CNIH3: variants seen among roughly 807,000 people sequenced by gnomAD.
The protein encoded by CNIH3 is cornichon family AMPA receptor auxiliary protein 3, also known as protein cornichon homolog 3.
A neutral mutation model predicts 24.1 loss-of-function variants in CNIH3; 14 were observed. That is an observed-to-expected ratio of 0.58 (90% CI 0.38 to 0.91). CNIH3 has a LOEUF of 0.91. Among genes scored for constraint, CNIH3 ranks in the 40% least tolerant of loss-of-function variants. CNIH3 has a pLI of 0.00. For missense variants in CNIH3, 178 were observed against 196.8 expected (o/e 0.90, Z 0.57); for synonymous variants, 68 against 73.8 (o/e 0.92, Z 0.40).
chr1:224,671,735 T>C (rs1685877803), intron 1 of CNIH3, among the ~76,000 whole-genome samples: 1 of 152,230 alleles, frequency 6.6e-6, no homozygotes, highest in Non-Finnish European at 1.5e-5. Flanking sequence ...GGCATTACAC[T>C]TTTTAGAAAA....
At chr1:224,683,804 G>A (rs1368901418) in intron 2 of CNIH3, among the ~76,000 whole-genome samples, 2 of 152,220 alleles carry the variant, frequency 1.3e-5, no homozygotes, top group Non-Finnish European at 2.9e-5. Flanking sequence ...GTGTCTTGTA[G>A]CATTCCCTTT....
chr1:224,576,260 C>T (rs549166754), intron 4 of CNIH3, among the ~76,000 whole-genome samples: 1 of 152,226 alleles, frequency 6.6e-6, no homozygotes, highest in East Asian at 1.9e-4. Flanking sequence ...AAGAGACAGT[C>T]AATATACATG....
At chr1:224,442,623 A>G (rs1674968264) in intron 1 of CNIH3, among the ~76,000 whole-genome samples, 3 of 152,226 alleles carry the variant, frequency 2.0e-5, no homozygotes, top group South Asian at 4.1e-4. Flanking sequence ...AACACTAGGA[A>G]GACAAGGTTG....
intron 1 of CNIH3, among the ~76,000 whole-genome samples, chr1:224,464,918 C>G (rs1408157182): frequency 6.6e-6 from 1 of 152,112 alleles, no homozygotes; most frequent in African/African-American, 2.4e-5. Context: ...ACCTCAGCCT[C>G]CCGTGTAGCT....
Position 224,617,121 on chromosome 1 carries a change from A to G in CNIH3, c.-54A>G. 4 of 1,604,078 alleles carry G rather than the reference A, an allele frequency of 2.5e-6. No homozygotes were observed. The highest frequency in any genetic ancestry group is 3.4e-6 in the Non-Finnish European group (4 of 1,175,358). ...AGGGAGTGCGGTCCTCTAGGGAGGC[A>G]TCGGGCTCCTAGGGGCTTCTTGGCG... On this transcript the variant is annotated 5_prime_UTR_variant, in exon 1 of 6. Transcript: ENST00000272133.
chr1:224,709,400 T>G (rs1470045123), intron 3 of CNIH3, among the ~76,000 whole-genome samples: 1 of 152,128 alleles, frequency 6.6e-6, no homozygotes, highest in Admixed American at 6.5e-5. Context: ...CCTCTCTGAG[T>G]TTTGAATCAA....
chr1:224,545,285 A>C (rs1156447396), intron 2 of CNIH3, among the ~76,000 whole-genome samples: 1 of 152,228 alleles, frequency 6.6e-6, no homozygotes, highest in African/African-American at 2.4e-5. Flanking sequence ...GGCTTCAAAC[A>C]GCTCTGCCTT....
intron 1 of CNIH3, among the ~76,000 whole-genome samples, chr1:224,461,341 C>T (rs1675905596): frequency 6.6e-6 from 1 of 152,120 alleles, no homozygotes; most frequent in Admixed American, 6.5e-5. Flanking sequence ...TTAATACAGA[C>T]TTATTTTTGA....
chr1:224,501,637 G>A (rs1334684409), intron 1 of CNIH3, among the ~76,000 whole-genome samples: 2 of 151,058 alleles, frequency 1.3e-5, no homozygotes, highest in East Asian at 3.9e-4. Context: ...CTGGAGTGCA[G>A]TGGCGCGATC....
In CNIH3 at chr1:224,739,577, T is replaced by G; in HGVS notation, c.*221T>G. On this transcript the variant is annotated 3_prime_UTR_variant, in exon 6 of 6. Coordinates refer to ENST00000272133, the MANE Select transcript of CNIH3 (RefSeq NM_152495.2). ...TGTTTGTCAATCTTTGGCATTCGAA[T>G]TCCACACACGGGGTCCTAGAGCCCT... 3.8e-6 allele frequency: 3 copies of G among 791,388 alleles called. No homozygotes were observed. Among genetic ancestry groups the G allele is most frequent in the East Asian group, 2.7e-5 (1 of 36,480 alleles). The allele number at this position is 791,388 out of a possible 1,614,324, so 49.0% of individuals were successfully genotyped here.
At chr1:224,549,112 C>T (rs572088087) in intron 3 of CNIH3, among the ~76,000 whole-genome samples, 4 of 151,852 alleles carry the variant, frequency 2.6e-5, no homozygotes, top group East Asian at 3.9e-4. Context: ...AATATCAGAG[C>T]GATGATATTT....
chr1:224,732,278 C>T (rs1370206101), intron 4 of CNIH3, among the ~76,000 whole-genome samples: 1 of 152,122 alleles, frequency 6.6e-6, no homozygotes, highest in Non-Finnish European at 1.5e-5. Flanking sequence ...GAGAAAGCCT[C>T]TAGGCTGCGT....
intron 2 of CNIH3, among the ~76,000 whole-genome samples, chr1:224,533,307 C>T (rs964662365): frequency 1.3e-5 from 2 of 149,270 alleles, no homozygotes; most frequent in Admixed American, 6.7e-5. Flanking sequence ...TTCCTAGCTA[C>T]TTGGGAGGCT....
chr1:224,718,338 AG>A (rs895140720), intron 3 of CNIH3, among the ~76,000 whole-genome samples: 1 of 152,140 alleles, frequency 6.6e-6, no homozygotes, highest in African/African-American at 2.4e-5. Context: ...TAAGCCTCTG[AG>A]GTGGGAACAG....
intron 3 of CNIH3, among the ~76,000 whole-genome samples, chr1:224,718,070 A>G (rs1416424037): frequency 6.6e-6 from 1 of 152,220 alleles, no homozygotes; most frequent in Admixed American, 6.5e-5. Flanking sequence ...AAAGTCATGA[A>G]AAAGACAAGC....
At chr1:224,597,232 C>A (rs1443275500) in intron 3 of CNIH3, among the ~76,000 whole-genome samples, 1 of 152,074 alleles carries the variant, frequency 6.6e-6, no homozygotes, top group East Asian at 1.9e-4. Context: ...AACTGACCTT[C>A]TTCTCTCCTT....
rs1223945870 is a variant in CNIH3 at position 224,546,900 on chromosome 1, G to C, written n.411G>C. ...TTGACATGGGACACAGCAGGTGCTGGAAGAAGCACATATTTTTAGTGACAA... is the reference window on the plus strand; with the variant it reads ...TTGACATGGGACACAGCAGGTGCTGCAAGAAGCACATATTTTTAGTGACAA... On this transcript the variant is annotated non_coding_transcript_exon_variant, in exon 3 of 6. Coordinates refer to the CNIH3 transcript ENST00000471578. The C allele has an allele frequency of 3.0e-6, 3 of 985,170 alleles. No homozygotes were observed. In the East Asian group the frequency reaches 3.4e-4, roughly 112 times the overall value. The allele number at this position is 985,170 out of a possible 1,614,324, so 61.0% of individuals were successfully genotyped here.
At chr1:224,462,020 C>A (rs1233834045) in intron 1 of CNIH3, among the ~76,000 whole-genome samples, 1 of 152,032 alleles carries the variant, frequency 6.6e-6, no homozygotes, top group East Asian at 1.9e-4. Flanking sequence ...CTTTTTAGAG[C>A]TGTTGTAGGT....
At chr1:224,670,226 G>T (rs970722220) in intron 1 of CNIH3, among the ~76,000 whole-genome samples, 1 of 152,140 alleles carries the variant, frequency 6.6e-6, no homozygotes. Context: ...AGCCGGGGTG[G>T]TCCATTTTGT....
Sources: allele counts gnomAD v4.1 joint callset (sites outside exome capture counted in the v4.1 genomes callset), GRCh38; gene constraint gnomAD v4.1.1; transcripts MANE v1.5; gene names NCBI Gene and HGNC (gene_info 2026-07-23, HGNC 2026-07-21).